ACTR3C: variants seen among roughly 807,000 people sequenced by gnomAD.
ACTR3C encodes the protein actin-related protein 3C.
ACTR3C carries 18 observed loss-of-function variants against 26.3 expected under a neutral mutation model. That is an observed-to-expected ratio of 0.68 (90% confidence interval 0.47 to 1.01). The LOEUF is 1.01. ACTR3C is among the 50% of genes least tolerant of loss of function. The probability of loss-of-function intolerance (pLI) is 0.00; values close to 1 mark genes in which losing one functional copy is unlikely to be tolerated. For missense variants in ACTR3C, 184 were observed against 250.7 expected (o/e 0.73, Z 1.80); for synonymous variants, 55 against 94.5 (o/e 0.58, Z 2.42).
At chr7:150,216,443 T>G in the ACTR3C span, among the ~76,000 whole-genome samples, 2 of 152,056 alleles carry the variant, frequency 1.3e-5, no homozygotes, top group East Asian at 3.9e-4. Flanking sequence ...GGGGTGAGGG[T>G]TAGAGATGCC....
downstream of ACTR3C, among the ~76,000 whole-genome samples, chr7:150,240,766 G>A (rs10273192): frequency 0.24 from 36,183 of 152,030 alleles, 4,489 homozygotes; most frequent in Middle Eastern, 0.29. Context: ...AGATATAAAC[G>A]AAGTAACACT....
chr7:150,279,623 A>C (rs1835154558), intron 6 of ACTR3C, among the ~76,000 whole-genome samples: 1 of 151,916 alleles, frequency 6.6e-6, no homozygotes, highest in Non-Finnish European at 1.5e-5. Flanking sequence ...CAAAACAGGC[A>C]CCGCAGGCAT....
At chr7:150,012,489 G>A in the ACTR3C span, among the ~76,000 whole-genome samples, 1 of 150,878 alleles carries the variant, frequency 6.6e-6, no homozygotes, top group Admixed American at 6.6e-5. Context: ...TAATTTTTTT[G>A]TATTTTTAGT....
the ACTR3C span, among the ~76,000 whole-genome samples, chr7:149,981,063 T>C: frequency 6.6e-6 from 1 of 152,014 alleles, no homozygotes; most frequent in Non-Finnish European, 1.5e-5. Context: ...CAATAACTTC[T>C]GTAAGTTTGT....
chr7:150,036,431 C>T, the ACTR3C span, among the ~76,000 whole-genome samples: 1,022 of 130,820 alleles, frequency 7.8e-3, 6 homozygotes, highest in Non-Finnish European at 0.011. Flanking sequence ...CTCTCTCTGA[C>T]GCATACAATG....
At chr7:150,093,591 C>T in the ACTR3C span, among the ~76,000 whole-genome samples, 1 of 151,010 alleles carries the variant, frequency 6.6e-6, no homozygotes, top group African/African-American at 2.5e-5. Flanking sequence ...GGGTGCTGTC[C>T]AGGTGGGTGC....
the ACTR3C span, among the ~76,000 whole-genome samples, chr7:149,992,143 G>T: frequency 4.6e-5 from 7 of 152,322 alleles, no homozygotes; most frequent in African/African-American, 1.7e-4. Context: ...TTATGCAAAG[G>T]TTAAGAGCTG....
chr7:150,105,085 CTT>C, the ACTR3C span, among the ~76,000 whole-genome samples: 16 of 138,502 alleles, frequency 1.2e-4, no homozygotes, highest in Non-Finnish European at 1.4e-4. Flanking sequence ...TTCTTTTTTT[CTT>C]TTTTTTTTTT....
At chr7:150,134,183 A>G in the ACTR3C span, among the ~76,000 whole-genome samples, 1 of 151,932 alleles carries the variant, frequency 6.6e-6, no homozygotes, top group African/African-American at 2.4e-5. Flanking sequence ...TTGTGCACAT[A>G]TACTATAAAA....
chr7:150,042,047 G>A, the ACTR3C span, among the ~76,000 whole-genome samples: 1 of 102,218 alleles, frequency 9.8e-6, no homozygotes, highest in Non-Finnish European at 2.1e-5. Context: ...AACGATGGGG[G>A]GTCCTAAGCC....
the ACTR3C span, among the ~76,000 whole-genome samples, chr7:149,897,999 T>C: frequency 1.3e-5 from 2 of 152,230 alleles, no homozygotes; most frequent in African/African-American, 2.4e-5. Context: ...CACCTCCTTT[T>C]CTCATTGCAA....
the ACTR3C span, among the ~76,000 whole-genome samples, chr7:150,018,056 C>T: frequency 6.7e-6 from 1 of 150,346 alleles, no homozygotes; most frequent in African/African-American, 2.5e-5. Flanking sequence ...ACCCTCAAAA[C>T]AGCTAACGTA....
At chr7:150,216,639 C>T in the ACTR3C span, among the ~76,000 whole-genome samples, 1 of 152,004 alleles carries the variant, frequency 6.6e-6, no homozygotes, top group Non-Finnish European at 1.5e-5. Flanking sequence ...CCTACTCATA[C>T]CCTCTGGGAC....
chr7:149,899,190 C>T, the ACTR3C span, among the ~76,000 whole-genome samples: 12 of 151,620 alleles, frequency 7.9e-5, no homozygotes, highest in Non-Finnish European at 1.8e-4. Context: ...TCTAGGTTTC[C>T]ACTTTAAAAC....
chr7:149,910,887 G>A, the ACTR3C span, among the ~76,000 whole-genome samples: 35 of 151,370 alleles, frequency 2.3e-4, no homozygotes, highest in Non-Finnish European at 7.4e-5. Context: ...ACACATTGCT[G>A]CTCAACTTCC....
At chr7:150,015,905 C>T in the ACTR3C span, among the ~76,000 whole-genome samples, 5 of 152,234 alleles carry the variant, frequency 3.3e-5, no homozygotes, top group Admixed American at 6.5e-5. Context: ...ATTAATAGCA[C>T]ATCTACTCTC....
chr7:150,266,476 C>A (rs1422064073), intron 6 of ACTR3C, among the ~76,000 whole-genome samples: 1 of 151,666 alleles, frequency 6.6e-6, no homozygotes, highest in Non-Finnish European at 1.5e-5. Flanking sequence ...CACAAAATTT[C>A]TTTGAAAAAC....
the ACTR3C span, among the ~76,000 whole-genome samples, chr7:150,036,242 G>A: frequency 4.8e-5 from 7 of 147,206 alleles, no homozygotes; most frequent in East Asian, 7.8e-4. Flanking sequence ...GGGCCTTTAT[G>A]TTCAGGTTTT....
the ACTR3C span, among the ~76,000 whole-genome samples, chr7:149,927,676 C>T: frequency 6.7e-6 from 1 of 148,344 alleles, no homozygotes; most frequent in African/African-American, 2.5e-5. Context: ...TGTGGTGAGC[C>T]AAGATCACGC....
Sources: allele counts gnomAD v4.1 joint callset (sites outside exome capture counted in the v4.1 genomes callset), GRCh38; gene constraint gnomAD v4.1.1; transcripts MANE v1.5; gene names NCBI Gene and HGNC (gene_info 2026-07-23, HGNC 2026-07-21).